Variants in ZMYND8 observed in about 807,000 individuals in gnomAD.
The protein encoded by ZMYND8 is zinc finger MYND-type containing 8.
Under a neutral mutation model 140.8 loss-of-function variants are expected in ZMYND8, and 37 were observed. The ratio of observed to expected loss-of-function variants is 0.26; its 90% CI spans 0.20 to 0.35. The LOEUF is 0.35. Among genes scored for constraint, ZMYND8 ranks in the 10% least tolerant of loss-of-function variants. ZMYND8 has a pLI of 1.00. For missense variants in ZMYND8, 1,068 were observed against 1,570.0 expected (o/e 0.68, Z 5.40); for synonymous variants, 592 against 597.1 (o/e 0.99, Z 0.12).
chr20:47,277,716 G>A (rs913353507), intron 10 of ZMYND8, among the ~76,000 whole-genome samples: 1 of 151,486 alleles, frequency 6.6e-6, no homozygotes. Context: ...TATTGCCCAG[G>A]CTAGAGCACA....
chr20:47,269,463 A>C (rs1208998735), intron 11 of ZMYND8, among the ~76,000 whole-genome samples: 3 of 152,148 alleles, frequency 2.0e-5, no homozygotes, highest in Non-Finnish European at 4.4e-5. Context: ...TTCAATTAAA[A>C]CTCTGAAACA....
intron 14 of ZMYND8, 109 bp downstream of exon 14, chr20:47,245,899 C>A: frequency 2.0e-6 from 3 of 1,467,522 alleles, no homozygotes; most frequent in Non-Finnish European, 2.7e-6. Context: ...TAGAGGGTCA[C>A]ATAACTTCTG....
At chr20:47,235,945 T>A (rs1198535805) in intron 16 of ZMYND8, among the ~76,000 whole-genome samples, 1 of 152,160 alleles carries the variant, frequency 6.6e-6, no homozygotes, top group African/African-American at 2.4e-5. Flanking sequence ...CATGTTTAAG[T>A]CTCTGTCACT....
At chr20:47,259,209 G>A (rs1402774826) in intron 12 of ZMYND8, among the ~76,000 whole-genome samples, 1 of 152,230 alleles carries the variant, frequency 6.6e-6, no homozygotes, top group Non-Finnish European at 1.5e-5. Flanking sequence ...TTTTCAGGGT[G>A]TGGAGGTGGA....
In ZMYND8 at chr20:47,347,887, T is replaced by C. The variant is rs771209685; in HGVS notation, c.54A>G (p.Val18=). ...EEEIKTEQEV[V]EGMDISTRSK... ...AGCGAGTAGAGATATCCATGCCCTCTACCACCTCCTGTTCTGTTTTTATTT... is the reference window on the plus strand; with the variant it reads ...AGCGAGTAGAGATATCCATGCCCTCCACCACCTCCTGTTCTGTTTTTATTT... The change falls in exon 2 of 23, where the codon GTA becomes GTG. Residue 18 remains valine, a synonymous_variant. Transcript: ENST00000471951. 6.2e-7 allele frequency: 1 copy of C among 1,614,018 alleles called. No homozygotes were observed. Among genetic ancestry groups the C allele is most frequent in the Admixed American group, 1.7e-5 (1 of 60,026 alleles).
intron 1 of ZMYND8, chr20:47,352,006 G>C (rs2082822852): frequency 3.0e-6 from 3 of 985,332 alleles, no homozygotes; most frequent in African/African-American, 3.5e-5. Context: ...TTCTCTTGTA[G>C]ATCCTGAGCC....
At chr20:47,224,212 G>T in intron 19 of ZMYND8, 105 bp downstream of exon 19, 1 of 1,536,666 alleles carries the variant, frequency 6.5e-7, no homozygotes. Flanking sequence ...CCAGAAGCCA[G>T]GCAAGCTCCC....
In ZMYND8 at chr20:47,220,886, G is replaced by A. The variant is rs190011373; in HGVS notation, c.3417+428C>T. 1.9e-3 allele frequency among the ~76,000 whole-genome samples: 294 copies of A among 152,184 alleles called. 2 individuals carry two copies. Among genetic ancestry groups the A allele is most frequent in the Admixed American group, 0.018 (274 of 15,296 alleles). On this transcript the variant is annotated intron_variant, in intron 20 of 22. Transcript: ENST00000471951. The stretch of plus-strand genomic sequence containing the variant: ...AAACAAACAAGGAGGTGAAACCTTC[G>A]TGGCCCAATAGGGCAGCCACTAGCC...
chr20:47,256,883 A>G (rs541879159), intron 12 of ZMYND8, among the ~76,000 whole-genome samples: 1 of 152,168 alleles, frequency 6.6e-6, no homozygotes, highest in Non-Finnish European at 1.5e-5. Flanking sequence ...CTGCATTTTC[A>G]ACAGAGCATC....
At chr20:47,262,192 G>T in intron 12 of ZMYND8, 96 bp downstream of exon 12, 1 of 1,552,474 alleles carries the variant, frequency 6.4e-7, no homozygotes, top group Non-Finnish European at 8.8e-7. Flanking sequence ...AGAGAAAAGA[G>T]TTGAAGGTTC....
chr20:47,257,500 T>C (rs1310917478), intron 12 of ZMYND8, among the ~76,000 whole-genome samples: 1 of 151,840 alleles, frequency 6.6e-6, no homozygotes, highest in Admixed American at 6.6e-5. Context: ...TACATACTTA[T>C]ATACCATACA....
chr20:47,239,343 C>T (rs1421498516), intron 14 of ZMYND8, among the ~76,000 whole-genome samples: 1 of 152,236 alleles, frequency 6.6e-6, no homozygotes, highest in South Asian at 2.1e-4. Flanking sequence ...TCTCCGCGAG[C>T]AGCGGCCTCC....
chr20:47,342,090 T>G (rs2081944562), intron 2 of ZMYND8, among the ~76,000 whole-genome samples: 1 of 151,680 alleles, frequency 6.6e-6, no homozygotes, highest in Admixed American at 6.6e-5. Context: ...GAGAATCATT[T>G]GAAACCAGGA....
chr20:47,216,935 G>A (rs147046210), intron 21 of ZMYND8, among the ~76,000 whole-genome samples: 34 of 152,308 alleles, frequency 2.2e-4, no homozygotes, highest in African/African-American at 6.0e-4. Flanking sequence ...CCAGATTTGC[G>A]TGTGTGATGA....
intron 2 of ZMYND8, among the ~76,000 whole-genome samples, chr20:47,314,953 G>A (rs1023285319): frequency 8.5e-5 from 13 of 152,180 alleles, no homozygotes; most frequent in African/African-American, 2.9e-4. Flanking sequence ...CCCTTGAACA[G>A]GCCATCACTG....
intron 2 of ZMYND8, among the ~76,000 whole-genome samples, chr20:47,334,323 T>C (rs2081212317): frequency 1.3e-5 from 2 of 152,270 alleles, no homozygotes; most frequent in South Asian, 2.1e-4. Context: ...TCAGGAACTG[T>C]CTGTACTGAT....
At chr20:47,353,839 G>C (rs1423656828) in intron 1 of ZMYND8, 1 of 152,174 alleles carries the variant, frequency 6.6e-6, no homozygotes, top group African/African-American at 2.4e-5. Context: ...AGATGACCTA[G>C]GAATGGAAGG....
rs1326276732 is a variant in ZMYND8 at position 47,276,299 on chromosome 20, C to G, written c.1480+15G>C. 15 of 1,518,044 alleles carry G rather than the reference C, an allele frequency of 9.9e-6. No homozygotes were observed. The highest frequency in any genetic ancestry group is 1.3e-5 in the Non-Finnish European group (15 of 1,134,102). The allele number at this position is 1,518,044 out of a possible 1,614,324, so 94.0% of individuals were successfully genotyped here. A position where few individuals can be genotyped will look rare whatever the true frequency, so the allele number is the denominator to read the frequency against. On this transcript the variant is annotated intron_variant, in intron 11 of 22. Coordinates refer to ENST00000471951, the MANE Select transcript of ZMYND8 (RefSeq NM_001281775.3). ...TCCAAGGGGCCTCCTCCCCGCTCCC[C>G]CGCACGGAGCTGACCTGTGCTCTTA...
At chr20:47,355,646 C>T in intron 1 of ZMYND8, 1 of 246,908 alleles carries the variant, frequency 4.1e-6, no homozygotes, top group South Asian at 1.5e-4. Context: ...GATTTTATTT[C>T]CTCTACACTC....
Sources: gnomAD v4.1 joint callset for allele counts (sites outside exome capture counted in the v4.1 genomes callset) on GRCh38, gnomAD v4.1.1 for gene constraint, MANE v1.5 for transcripts, NCBI Gene and HGNC (gene_info 2026-07-23, HGNC 2026-07-21) for gene names.